Variants in PPP2R1B observed in about 807,000 individuals in gnomAD.
The protein encoded by PPP2R1B is protein phosphatase 2 scaffold subunit Abeta, also known as serine/threonine-protein phosphatase 2A 65 kDa regulatory subunit A beta isoform.
PPP2R1B carries 58 observed loss-of-function variants against 72.7 expected under a neutral mutation model. That is an observed-to-expected ratio of 0.80 (90% confidence interval 0.65 to 0.99). PPP2R1B has a LOEUF of 0.99. PPP2R1B is among the 50% of genes least tolerant of loss of function. The pLI is 0.00. For synonymous variants in PPP2R1B, 256 were observed against 264.6 expected (o/e 0.97, Z 0.32); for missense variants, 695 against 733.6 (o/e 0.95, Z 0.61).
At chr11:111,729,216 A>G (rs1040633007) in intron 15 of PPP2R1B, 2 of 152,190 alleles carry the variant, frequency 1.3e-5, no homozygotes, top group African/African-American at 2.4e-5. Context: ...CCTTGTGTCC[A>G]CATCTTCTCC....
At position 111,742,284 on chromosome 11, in the gene PPP2R1B, A is replaced by G. The variant is rs1427213512; in HGVS notation, c.1698-140T>C. The stretch of plus-strand genomic sequence containing the variant: ...TATAAACTTGACAAATACACAAAAT[A>G]ATGTCTAAAGAAATTCTCAGCAAAA... On this transcript the variant is annotated intron_variant, in intron 13 of 14. Coordinates refer to ENST00000527614, the MANE Select transcript of PPP2R1B (RefSeq NM_002716.5). 2.6e-5 allele frequency: 21 copies of G among 810,706 alleles called. No homozygotes were observed. In the East Asian group the frequency reaches 5.6e-4, roughly 22 times the overall value. The allele number at this position is 810,706 out of a possible 1,614,324, so 50.2% of individuals were successfully genotyped here.
the PPP2R1B span, among the ~76,000 whole-genome samples, chr11:111,718,095 T>G: frequency 2.0e-5 from 3 of 152,300 alleles, no homozygotes; most frequent in East Asian, 5.8e-4. Context: ...AAAAAGAACT[T>G]GCTTATATGG....
chr11:111,702,952 A>T, the PPP2R1B span, among the ~76,000 whole-genome samples: 1 of 152,298 alleles, frequency 6.6e-6, no homozygotes, highest in East Asian at 1.9e-4. Context: ...CAGTTGTGAA[A>T]TTCAGTAGAA....
At chr11:111,725,320 A>G (rs1943931715), downstream of PPP2R1B, 1 of 152,686 alleles carries the variant, frequency 6.5e-6, no homozygotes, top group African/African-American at 2.4e-5. Context: ...TTGACTTGTA[A>G]TGAAATGTTC....
the PPP2R1B span, among the ~76,000 whole-genome samples, chr11:111,692,575 C>T: frequency 1.3e-5 from 2 of 152,118 alleles, no homozygotes; most frequent in African/African-American, 4.8e-5. Flanking sequence ...CCAGATCATT[C>T]ACGTGCTATA....
chr11:111,730,142 T>C (rs1256672561), intron 15 of PPP2R1B: 5 of 152,236 alleles, frequency 3.3e-5, no homozygotes, highest in Non-Finnish European at 7.3e-5. Flanking sequence ...TTTGACTTAA[T>C]ACTCTGTCTT....
the PPP2R1B span, among the ~76,000 whole-genome samples, chr11:111,698,768 C>G: frequency 6.6e-6 from 1 of 152,212 alleles, no homozygotes; most frequent in African/African-American, 2.4e-5. Context: ...AGAGTATCCT[C>G]AATTTACAGG....
intron 4 of PPP2R1B, 89 bp from the exon 5 acceptor site, chr11:111,760,040 T>C (rs931350064): frequency 7.5e-7 from 1 of 1,334,548 alleles, no homozygotes. Context: ...TTAGAGGTTT[T>C]ATCTTACAAT....
At position 111,741,353 on chromosome 11, in the gene PPP2R1B, C is replaced by T; in HGVS notation, c.*243G>A. On this transcript the variant is annotated 3_prime_UTR_variant, in exon 15 of 15. Transcript: ENST00000527614. ...GATGGATAAAGCATTAGGAGACAAT[C>T]AAGTGTCAGGAATTGGTCAATAAGA... is the stretch of plus-strand genomic sequence containing the variant. 7.5e-7 allele frequency: 1 copy of T among 1,339,690 alleles called. No individual in the cohort carries two copies. Among genetic ancestry groups the T allele is most frequent in the Middle Eastern group, 2.0e-4 (1 of 5,004 alleles). The allele number at this position is 1,339,690 out of a possible 1,614,324, so 83.0% of individuals were successfully genotyped here.
At chr11:111,747,775 AC>A (rs1329292166) in intron 11 of PPP2R1B, among the ~76,000 whole-genome samples, 178 bp downstream of exon 11, 2 of 152,264 alleles carry the variant, frequency 1.3e-5, no homozygotes, top group African/African-American at 4.8e-5. Flanking sequence ...AATCGAAGAT[AC>A]AAAAAATTGG....
chr11:111,760,193 T>G (rs1283362398), intron 4 of PPP2R1B, among the ~76,000 whole-genome samples: 1 of 152,208 alleles, frequency 6.6e-6, no homozygotes, highest in Non-Finnish European at 1.5e-5. Flanking sequence ...GGAGGACTGC[T>G]TGAGGCCAGG....
In PPP2R1B at chr11:111,741,552, T is replaced by C. The variant is rs2136041873; in HGVS notation, c.*44A>G. On this transcript the variant is annotated 3_prime_UTR_variant, in exon 15 of 15. Coordinates refer to ENST00000527614, the MANE Select transcript of PPP2R1B (RefSeq NM_002716.5). Reference sequence around the variant, plus strand: ...AGTTAAGAACACATTGACTAGAAATTTGTGACAAGAATCTAGTAAAGGCCT... The same window carrying C: ...AGTTAAGAACACATTGACTAGAAATCTGTGACAAGAATCTAGTAAAGGCCT... 1.2e-6 allele frequency: 2 copies of C among 1,606,632 alleles called. No homozygotes were observed. The highest frequency in any genetic ancestry group is 1.1e-5 in the South Asian group (1 of 89,080).
At position 111,752,166 on chromosome 11, in the gene PPP2R1B, C is replaced by T; in HGVS notation, c.1331G>A (p.Gly444Asp). The T allele has an allele frequency of 6.2e-7, 1 of 1,607,126 alleles. No homozygotes were observed. ...AIIEYMPLLA[G>D]QLGVEFFDEK... The stretch of plus-strand genomic sequence containing the variant: ...GGAGCAACACATACTCACCAGCTGG[C>T]CTGCCAGCAGCGGCATATACTCAAT... The change falls in exon 10 of 15, where the codon GGC becomes GAC. Residue 444 changes from glycine (G) to aspartate (D), a missense_variant. By Grantham distance (94) the Gly-to-Asp change is moderately conservative (BLOSUM62 -1). Coordinates refer to ENST00000527614, the MANE Select transcript of PPP2R1B (RefSeq NM_002716.5).
intron 3 of PPP2R1B, among the ~76,000 whole-genome samples, chr11:111,763,491 G>GGA (rs1945402603): frequency 6.6e-6 from 1 of 152,170 alleles, no homozygotes; most frequent in African/African-American, 2.4e-5. Flanking sequence ...AGGCAAGAGT[G>GGA]GAAAGCATTG....
the PPP2R1B span, among the ~76,000 whole-genome samples, chr11:111,697,536 C>A: frequency 6.6e-6 from 1 of 152,176 alleles, no homozygotes; most frequent in African/African-American, 2.4e-5. Flanking sequence ...TCAACTACTT[C>A]ATGAAATGTA....
chr11:111,709,131 G>A, the PPP2R1B span, among the ~76,000 whole-genome samples: 5 of 152,356 alleles, frequency 3.3e-5, no homozygotes, highest in South Asian at 1.0e-3. Flanking sequence ...AAATCAGGAT[G>A]AGGGTGCCAT....
chr11:111,763,646 C>T (rs1483532622), intron 3 of PPP2R1B, among the ~76,000 whole-genome samples: 2 of 152,156 alleles, frequency 1.3e-5, no homozygotes, highest in African/African-American at 4.8e-5. Context: ...GAACAAGGCA[C>T]AGAGGATTCA....
chr11:111,744,110 G>A (rs1012040277), intron 11 of PPP2R1B, among the ~76,000 whole-genome samples: 1 of 152,202 alleles, frequency 6.6e-6, no homozygotes, highest in African/African-American at 2.4e-5. Flanking sequence ...TGAAACCTGT[G>A]AGACTTCTAA....
intron 5 of PPP2R1B, among the ~76,000 whole-genome samples, chr11:111,756,308 T>A (rs1186808842): frequency 6.6e-6 from 1 of 150,528 alleles, no homozygotes; most frequent in Non-Finnish European, 1.5e-5. Flanking sequence ...GTACTATGAG[T>A]AAACAGCAAA....
Sources: gnomAD v4.1 joint callset for allele counts (sites outside exome capture counted in the v4.1 genomes callset) on GRCh38, gnomAD v4.1.1 for gene constraint, MANE v1.5 for transcripts, NCBI Gene and HGNC (gene_info 2026-07-23, HGNC 2026-07-21) for gene names.